Variants in DRC11 observed in about 807,000 individuals in gnomAD.
DRC11 encodes dynein regulatory complex subunit 11, also known as IQ and AAA domain-containing protein 1.
chr2:236,313,037 A>T, the DRC11 span, among the ~76,000 whole-genome samples: 3 of 152,158 alleles, frequency 2.0e-5, no homozygotes, highest in African/African-American at 7.2e-5. The surrounding 1 kb of genome is among the most constrained non-coding windows in gnomAD (Gnocchi z 4.5). Flanking sequence ...TGCATTAAGA[A>T]ATTAAAATCC....
chr2:236,415,744 T>C, the DRC11 span, among the ~76,000 whole-genome samples: 1 of 152,204 alleles, frequency 6.6e-6, no homozygotes, highest in Non-Finnish European at 1.5e-5. This position sits in a 1 kb window ranked among gnomAD's most constrained non-coding sequence, Gnocchi z 5.7. Flanking sequence ...AGCTAGTTAA[T>C]AAAATACTTT....
chr2:236,343,653 G>T, the DRC11 span: 1 of 1,117,924 alleles, frequency 8.9e-7, no homozygotes, highest in Non-Finnish European at 1.2e-6. This position sits in a 1 kb window ranked among gnomAD's most constrained non-coding sequence, Gnocchi z 6.6. Flanking sequence ...TCTCTTAGAC[G>T]TGGGACCTGG....
the DRC11 span, among the ~76,000 whole-genome samples, chr2:236,373,724 C>T: frequency 4.6e-5 from 7 of 152,164 alleles, no homozygotes; most frequent in African/African-American, 1.7e-4. Flanking sequence ...TAGTCCAATA[C>T]TTTTAGAAGG....
At chr2:236,440,076 TAA>T in the DRC11 span, among the ~76,000 whole-genome samples, 1 of 152,156 alleles carries the variant, frequency 6.6e-6, no homozygotes, top group Non-Finnish European at 1.5e-5. Flanking sequence ...ATATGCAAAT[TAA>T]AAGTCCTTCC....
the DRC11 span, chr2:236,497,175 G>C: frequency 2.0e-5 from 32 of 1,608,442 alleles, no homozygotes; most frequent in Non-Finnish European, 2.5e-5. The surrounding 1 kb of genome is among the most constrained non-coding windows in gnomAD (Gnocchi z 5.1). Context: ...GGGCCAGCTT[G>C]AGATCCTGCA....
the DRC11 span, among the ~76,000 whole-genome samples, chr2:236,345,755 A>T: frequency 1.3e-5 from 2 of 152,244 alleles, no homozygotes; most frequent in Admixed American, 6.5e-5. Flanking sequence ...TTTTTGCAAC[A>T]ATTTGTGCTT....
chr2:236,341,996 G>A, the DRC11 span, among the ~76,000 whole-genome samples: 18 of 152,278 alleles, frequency 1.2e-4, no homozygotes, highest in African/African-American at 3.6e-4. Flanking sequence ...GTGTCCCTGC[G>A]CCCGGGAAGT....
At chr2:236,357,647 T>G in the DRC11 span, among the ~76,000 whole-genome samples, 1 of 126,206 alleles carries the variant, frequency 7.9e-6, no homozygotes, top group South Asian at 2.4e-4. Flanking sequence ...TATGTAAATA[T>G]ATAAATTATA....
the DRC11 span, among the ~76,000 whole-genome samples, chr2:236,385,278 T>C: frequency 6.8e-6 from 1 of 147,562 alleles, no homozygotes; most frequent in East Asian, 2.0e-4. Context: ...CGATATTGAT[T>C]CTTCCTACCC....
At chr2:236,407,416 G>C in the DRC11 span, among the ~76,000 whole-genome samples, 2 of 152,136 alleles carry the variant, frequency 1.3e-5, no homozygotes, top group Non-Finnish European at 2.9e-5. Context: ...TACACCATGG[G>C]CCCTCAGCTC....
At chr2:236,459,490 TACGTATATATGTATACGTATACGTATAC>T in the DRC11 span, among the ~76,000 whole-genome samples, 2 of 132,506 alleles carry the variant, frequency 1.5e-5, no homozygotes, top group African/African-American at 5.4e-5. Context: ...AAAATATGTA[TACGTATATATGTATACGTATACGTATAC>T]ATGTATACAT....
At chr2:236,418,663 T>C in the DRC11 span, among the ~76,000 whole-genome samples, 1 of 152,220 alleles carries the variant, frequency 6.6e-6, no homozygotes, top group African/African-American at 2.4e-5. Context: ...AATGTGACAC[T>C]GTGTGAACTC....
At chr2:236,410,648 C>A in the DRC11 span, among the ~76,000 whole-genome samples, 1 of 150,814 alleles carries the variant, frequency 6.6e-6, no homozygotes, top group African/African-American at 2.5e-5. Context: ...TCAAACTACA[C>A]TACAAGGCTA....
chr2:236,380,902 G>A, the DRC11 span, among the ~76,000 whole-genome samples: 2 of 152,198 alleles, frequency 1.3e-5, no homozygotes, highest in African/African-American at 4.8e-5. This position sits in a 1 kb window ranked among gnomAD's most constrained non-coding sequence, Gnocchi z 4.9. Context: ...ACAGGGAAGA[G>A]CATTCTGACT....
At chr2:236,500,462 T>TC in the DRC11 span, among the ~76,000 whole-genome samples, 1 of 151,910 alleles carries the variant, frequency 6.6e-6, no homozygotes, top group Non-Finnish European at 1.5e-5. The surrounding 1 kb of genome is among the most constrained non-coding windows in gnomAD (Gnocchi z 6.3). Flanking sequence ...CCAACACTCT[T>TC]CCCCCCAACA....
chr2:236,344,684 C>G, the DRC11 span: 14 of 1,446,870 alleles, frequency 9.7e-6, no homozygotes, highest in Non-Finnish European at 1.3e-5. Flanking sequence ...AAATGCACTT[C>G]CCTCTCAGGT....
At chr2:236,487,642 C>T in the DRC11 span, among the ~76,000 whole-genome samples, 1 of 152,144 alleles carries the variant, frequency 6.6e-6, no homozygotes, top group Non-Finnish European at 1.5e-5. Context: ...TCTATTAAGG[C>T]CTGGTCCCTC....
At chr2:236,408,045 C>A in the DRC11 span, 3 of 578,398 alleles carry the variant, frequency 5.2e-6, no homozygotes, top group South Asian at 2.8e-5. This position sits in a 1 kb window ranked among gnomAD's most constrained non-coding sequence, Gnocchi z 5.5. Flanking sequence ...TGAGCACTCA[C>A]TTCTTGGTTC....
chr2:236,343,867 C>G, the DRC11 span: 3 of 619,192 alleles, frequency 4.8e-6, no homozygotes, highest in Admixed American at 7.5e-5. The surrounding 1 kb of genome is among the most constrained non-coding windows in gnomAD (Gnocchi z 6.6). Context: ...AGCTTCCACT[C>G]TTTATCCAAA....
Sources: gnomAD v4.1 joint callset for allele counts (sites outside exome capture counted in the v4.1 genomes callset) on GRCh38, gnomAD v4.1.1 for gene constraint, Gnocchi (gnomAD v3.1) non-coding constraint, MANE v1.5 for transcripts, NCBI Gene and HGNC (gene_info 2026-07-23, HGNC 2026-07-21) for gene names.